The following RAF1 variants were observed in gnomAD, a reference collection of about 807,000 sequenced individuals.
The protein encoded by RAF1 is Raf-1 proto-oncogene, serine/threonine kinase, also known as RAF proto-oncogene serine/threonine-protein kinase.
A neutral mutation model predicts 81.1 loss-of-function variants in RAF1; 27 were observed. That is an observed-to-expected ratio of 0.33 (90% CI 0.25 to 0.46). RAF1 has a LOEUF of 0.46. RAF1 is among the 20% of genes least tolerant of loss of function. The probability of loss-of-function intolerance (pLI) is 1.00; values close to 1 mark genes in which losing one functional copy is unlikely to be tolerated. For missense variants in RAF1, 598 were observed against 826.0 expected, an observed-to-expected ratio of 0.72 and a Z score of 3.38; for synonymous variants, 298 against 294.0, an observed-to-expected ratio of 1.01 and a Z score of -0.14.
chr3:12,619,078 T>C (rs1159164871), intron 1 of RAF1, among the ~76,000 whole-genome samples: 1 of 151,122 alleles, frequency 6.6e-6, no homozygotes, highest in Admixed American at 6.6e-5. Context: ...ACCCCATCTC[T>C]ACTAAAAATA....
intron 6 of RAF1, 42 bp downstream of exon 6, chr3:12,606,159 C>T (rs1057004373): frequency 6.7e-7 from 1 of 1,483,962 alleles, no homozygotes. Flanking sequence ...CCCCACCACC[C>T]CAAATAACTT....
chr3:12,656,274 A>G (rs981310677), intron 1 of RAF1, among the ~76,000 whole-genome samples: 12 of 152,060 alleles, frequency 7.9e-5, no homozygotes, highest in African/African-American at 2.7e-4. Flanking sequence ...TTCCATATCT[A>G]AAACCTATGA....
intron 1 of RAF1, among the ~76,000 whole-genome samples, chr3:12,659,986 T>C (rs1156862084): frequency 2.0e-5 from 3 of 152,206 alleles, no homozygotes; most frequent in South Asian, 2.1e-4. Context: ...TTACTAGTAA[T>C]AGACTACCTG....
In RAF1 at chr3:12,632,924, C is replaced by A. The variant is rs541017822; in HGVS notation, c.-26-14177G>T. The stretch of plus-strand genomic sequence containing the variant: ...ATCTCTTGACTGGAGGATTCCAGAC[C>A]CAGTTGAGAGTATGAATACTGTTCT... On this transcript the variant is annotated intron_variant, in intron 1 of 17. Coordinates refer to ENST00000442415, the MANE Select transcript of RAF1 (RefSeq NM_001354689.3). Among the ~76,000 whole-genome samples, 9 of 152,186 alleles carry A rather than the reference C, an allele frequency of 5.9e-5. No homozygotes were observed. The East Asian group carries it at 1.7e-3, about 29-fold the overall frequency.
intron 1 of RAF1, among the ~76,000 whole-genome samples, chr3:12,621,395 T>C (rs1038439309): frequency 1.3e-5 from 2 of 152,198 alleles, no homozygotes; most frequent in Non-Finnish European, 1.5e-5. Context: ...TCTAACTGAA[T>C]ATCCACTATA....
intron 1 of RAF1, among the ~76,000 whole-genome samples, chr3:12,644,094 T>C (rs1441440898): frequency 1.3e-5 from 2 of 152,142 alleles, no homozygotes; most frequent in East Asian, 3.9e-4. Context: ...CTGTAAAAAA[T>C]AAGAAAGCAC....
In RAF1 at chr3:12,617,464, A is replaced by G. The variant is rs969661862; in HGVS notation, c.207+1051T>C. ...GAGATGGGGTTTGCCACGTTGCCCG[A>G]CTGGTCTCGAACTCCTGAGCTCAAG... On this transcript the variant is annotated intron_variant, in intron 2 of 17. Transcript: ENST00000442415. Among the ~76,000 whole-genome samples, 106 of 151,940 alleles carry G rather than the reference A, an allele frequency of 7.0e-4. 1 individual carries two copies. The highest frequency in any genetic ancestry group is 2.4e-3 in the African/African-American group (101 of 41,448).
Position 12,590,919 on chromosome 3 carries a change from G to C in RAF1, c.1309C>G (p.Leu437Val). The change falls in exon 13 of 18, where the codon CTG becomes GTG. Residue 437 changes from leucine to valine, a missense_variant. Physicochemically the swap from Leu to Val is conservative, Grantham distance 32. Transcript: ENST00000442415. ...TCGCACCACTGGGTCACAATTGCCAGGTTGTCCTTTGTCATGTACCCCATG... is the reference window on the plus strand; with the variant it reads ...TCGCACCACTGGGTCACAATTGCCACGTTGTCCTTTGTCATGTACCCCATG... 6.2e-7 allele frequency: 1 copy of C among 1,613,692 alleles called. No homozygotes were observed. Among genetic ancestry groups the C allele is most frequent in the Non-Finnish European group, 8.5e-7 (1 of 1,179,630 alleles).
At chr3:12,660,082 A>G (rs771984579) in intron 1 of RAF1, among the ~76,000 whole-genome samples, 22 of 152,344 alleles carry the variant, frequency 1.4e-4, no homozygotes, top group Non-Finnish European at 2.8e-4. Flanking sequence ...ACTTCCAAGA[A>G]GTATGAACTT....
Position 12,590,857 on chromosome 3 carries a change from C to T in RAF1, c.1371G>A (p.Glu457=), listed in dbSNP as rs376955823. ...TTAGCTGGAACATCTGAAACTTGGT[C>T]TCCTGGACATGCAGGTGTTTGTAGA... is the stretch of plus-strand genomic sequence containing the variant. The change falls in exon 13 of 18, where the codon GAG becomes GAA. Residue 457 remains glutamate (E), a synonymous_variant. Coordinates refer to ENST00000442415, the MANE Select transcript of RAF1 (RefSeq NM_001354689.3). The T allele has an allele frequency of 2.5e-6, 4 of 1,614,022 alleles. No homozygotes were observed. The highest frequency in any genetic ancestry group is 1.3e-5 in the African/African-American group (1 of 75,050).
intron 1 of RAF1, among the ~76,000 whole-genome samples, chr3:12,640,115 G>A (rs2060139964): frequency 6.6e-6 from 1 of 152,066 alleles, no homozygotes; most frequent in Admixed American, 6.6e-5. Context: ...ACAAGAAATG[G>A]GGAAAGGATT....
chr3:12,630,168 AAC>A (rs2059820303), intron 1 of RAF1, among the ~76,000 whole-genome samples: 1 of 152,220 alleles, frequency 6.6e-6, no homozygotes, highest in Non-Finnish European at 1.5e-5. Flanking sequence ...TACTAATCCT[AAC>A]ACATTTTTTT....
At chr3:12,595,489 G>A (rs952530701) in intron 11 of RAF1, among the ~76,000 whole-genome samples, 10 of 152,146 alleles carry the variant, frequency 6.6e-5, no homozygotes, top group East Asian at 1.9e-4. Flanking sequence ...TAAAGGTCTC[G>A]TACAACCCCA....
chr3:12,633,481 T>C (rs2059921726), intron 1 of RAF1, among the ~76,000 whole-genome samples: 1 of 135,986 alleles, frequency 7.4e-6, no homozygotes, highest in Admixed American at 7.6e-5. Context: ...AGACCCTGTC[T>C]GGAAATTAAA....
chr3:12,603,058 C>G (rs1246222928), intron 8 of RAF1, among the ~76,000 whole-genome samples: 1 of 152,058 alleles, frequency 6.6e-6, no homozygotes, highest in Non-Finnish European at 1.5e-5. Flanking sequence ...CAAAATCTAA[C>G]TTAACATTTT....
chr3:12,636,444 A>T (rs1236587359), intron 1 of RAF1, among the ~76,000 whole-genome samples: 1 of 4,442 alleles, frequency 2.3e-4, no homozygotes, highest in Non-Finnish European at 3.0e-4. Flanking sequence ...GTATATCTTT[A>T]AAAAAAAAAA....
chr3:12,611,351 A>G (rs1399984976), intron 3 of RAF1, among the ~76,000 whole-genome samples: 4 of 152,026 alleles, frequency 2.6e-5, no homozygotes, highest in Non-Finnish European at 5.9e-5. Context: ...TCGAACAGCT[A>G]GGACTACAGG....
chr3:12,587,735 G>A, intron 13 of RAF1, 98 bp from the exon 13 acceptor site: 1 of 1,002,402 alleles, frequency 1.0e-6, no homozygotes, highest in South Asian at 1.3e-5. Context: ...TGAAGGCCTG[G>A]CTCCAAGGAG....
At chr3:12,625,835 A>C (rs2059686602) in intron 1 of RAF1, among the ~76,000 whole-genome samples, 1 of 152,122 alleles carries the variant, frequency 6.6e-6, no homozygotes, top group Non-Finnish European at 1.5e-5. Flanking sequence ...TCACACACAC[A>C]CGAGTCATTT....
Sources: allele counts gnomAD v4.1 joint callset (sites outside exome capture counted in the v4.1 genomes callset), GRCh38; gene constraint gnomAD v4.1.1; transcripts MANE v1.5; gene names NCBI Gene and HGNC (gene_info 2026-07-23, HGNC 2026-07-21).